TENM2: variants seen among roughly 807,000 people sequenced by gnomAD.
TENM2 encodes the protein teneurin-2.
Under a neutral mutation model 245.2 loss-of-function variants are expected in TENM2, and 52 were observed. The observed-to-expected ratio is 0.21, with a 90% CI of 0.17 to 0.27. The LOEUF is 0.27. Ranked by LOEUF, TENM2 falls within the 10% of genes least tolerant of loss-of-function variation. The pLI is 1.00. For synonymous variants in TENM2, 1,363 were observed against 1,438.9 expected (o/e 0.95, Z 1.19); for missense variants, 3,046 against 3,666.8 (o/e 0.83, Z 4.37).
chr5:168,155,403 A>AG (rs5873092), intron 12 of TENM2, among the ~76,000 whole-genome samples: 72 of 146,438 alleles, frequency 4.9e-4, no homozygotes, highest in South Asian at 2.4e-3. Flanking sequence ...AGTTGGTGAA[A>AG]GGGGGGGGGG....
intron 2 of TENM2, among the ~76,000 whole-genome samples, chr5:167,699,302 A>C (rs374968529): frequency 6.6e-6 from 1 of 152,222 alleles, no homozygotes; most frequent in East Asian, 1.9e-4. Context: ...AAGCCCAATA[A>C]AATGAATAAT....
At chr5:167,356,153 A>G (rs1456813074) in intron 1 of TENM2, among the ~76,000 whole-genome samples, 2 of 117,268 alleles carry the variant, frequency 1.7e-5, no homozygotes, top group Non-Finnish European at 3.2e-5. Flanking sequence ...GGGCCACTGC[A>G]CTCCAGCCTG....
chr5:168,243,656 C>T (rs758803278), intron 25 of TENM2, among the ~76,000 whole-genome samples: 1 of 152,184 alleles, frequency 6.6e-6, no homozygotes, highest in Admixed American at 6.5e-5. Context: ...TCCAAGTGTG[C>T]AAATATGCAA....
Position 167,976,446 on chromosome 5 carries a change from G to A in TENM2, c.948-16498G>A, listed in dbSNP as rs144846448. 2.5e-3 allele frequency among the ~76,000 whole-genome samples: 383 copies of A among 152,278 alleles called. 1 individual carries two copies. Among genetic ancestry groups the A allele is most frequent in the Non-Finnish European group, 4.3e-3 (293 of 68,020 alleles). ...AGTATTAGGTTTGTGAAGACCTGCA[G>A]TAATGTTTACTCCATTTCCCAAATA... On this transcript the variant is annotated intron_variant, in intron 4 of 28. Transcript: ENST00000518659.
chr5:168,226,359 T>A (rs3733985), intron 24 of TENM2, 96 bp downstream of exon 26: 2 of 1,130,502 alleles, frequency 1.8e-6, no homozygotes, highest in African/African-American at 1.6e-5. Flanking sequence ...TGGGAGGACT[T>A]CCAGAGACCC....
chr5:167,868,527 T>C (rs1583232079), intron 2 of TENM2, among the ~76,000 whole-genome samples: 1 of 151,732 alleles, frequency 6.6e-6, no homozygotes, highest in Non-Finnish European at 1.5e-5. Flanking sequence ...TCACCTGAGG[T>C]CAGGAGTTCT....
the TENM2 span, among the ~76,000 whole-genome samples, chr5:167,127,628 T>TA: frequency 6.6e-3 from 809 of 122,946 alleles, 5 homozygotes; most frequent in Middle Eastern, 0.023. Flanking sequence ...TTTTTTTTTT[T>TA]AAAAAAAAAA....
intron 6 of TENM2, among the ~76,000 whole-genome samples, chr5:168,058,655 G>C (rs1165342642): frequency 1.3e-5 from 2 of 152,142 alleles, no homozygotes; most frequent in African/African-American, 4.8e-5. Flanking sequence ...ACTCTTGATA[G>C]AGAGCTAGAT....
At chr5:167,639,619 A>G (rs897944294) in intron 2 of TENM2, among the ~76,000 whole-genome samples, 1 of 152,162 alleles carries the variant, frequency 6.6e-6, no homozygotes, top group Non-Finnish European at 1.5e-5. Flanking sequence ...GCTCCCTTTT[A>G]TCATCAAAAA....
At position 167,289,673 on chromosome 5, in the gene TENM2, AC is replaced by A. The variant is rs545546612; in HGVS notation, c.226+4611del. Among the ~76,000 whole-genome samples the A allele has an allele frequency of 1.3e-4, 20 of 152,302 alleles. No homozygotes were observed. The South Asian group carries it at 3.5e-3, about 27-fold the overall frequency. ...GATCTTTAAAATAATGTGGGCAATA[AC>A]TTTTGCTCTGTATAATTTGGCATAA... On this transcript the variant is annotated intron_variant, in intron 1 of 28. Transcript: ENST00000518659.
intron 2 of TENM2, among the ~76,000 whole-genome samples, chr5:167,514,867 T>C (rs1223588467): frequency 6.6e-6 from 1 of 151,956 alleles, no homozygotes; most frequent in Non-Finnish European, 1.5e-5. Context: ...AAAAATTAGC[T>C]TGGCATGGTG....
At chr5:168,023,720 C>T (rs758510732) in intron 5 of TENM2, among the ~76,000 whole-genome samples, 9 of 152,178 alleles carry the variant, frequency 5.9e-5, no homozygotes, top group Non-Finnish European at 1.3e-4. Flanking sequence ...GCAAGCAAAC[C>T]TCATAATTTG....
At chr5:168,192,172 CT>C (rs1761019267) in intron 14 of TENM2, among the ~76,000 whole-genome samples, 1 of 152,128 alleles carries the variant, frequency 6.6e-6, no homozygotes, top group African/African-American at 2.4e-5. Context: ...TTGGGTCATT[CT>C]TGTCATACCC....
chr5:167,239,211 C>T, the TENM2 span, among the ~76,000 whole-genome samples: 10,059 of 152,222 alleles, frequency 0.066, 538 homozygotes, highest in East Asian at 0.21. Flanking sequence ...GGCTAATAGA[C>T]ACTTTTCATT....
At chr5:167,810,349 T>C (rs1190826934) in intron 2 of TENM2, among the ~76,000 whole-genome samples, 3 of 152,118 alleles carry the variant, frequency 2.0e-5, no homozygotes, top group African/African-American at 7.2e-5. Flanking sequence ...AAGTTTCCAG[T>C]GTAACTTGAA....
chr5:168,241,269 T>G (rs1766077380), intron 25 of TENM2, among the ~76,000 whole-genome samples: 1 of 152,018 alleles, frequency 6.6e-6, no homozygotes, highest in South Asian at 2.1e-4. Context: ...GTTCTTTTTT[T>G]TTTTGAAACA....
At chr5:167,972,537 C>T (rs1466213742) in intron 4 of TENM2, among the ~76,000 whole-genome samples, 2 of 152,074 alleles carry the variant, frequency 1.3e-5, no homozygotes, top group African/African-American at 4.8e-5. Context: ...GTGTATATAT[C>T]TTTCTTTGCA....
rs534807639 is a variant in TENM2 at position 168,023,582 on chromosome 5, G to A, written c.1187-23845G>A. ...GGGATGCCTCAAGGGCAAATGGATGGGGTGTCGGAAAAACAATAAAATCAC... is the reference window on the plus strand; with the variant it reads ...GGGATGCCTCAAGGGCAAATGGATGAGGTGTCGGAAAAACAATAAAATCAC... On this transcript the variant is annotated intron_variant, in intron 5 of 28. Coordinates refer to ENST00000518659, the Ensembl canonical transcript of TENM2. Among the ~76,000 whole-genome samples, 6 of 152,318 alleles carry A rather than the reference G, an allele frequency of 3.9e-5. No individual in the cohort carries two copies. The East Asian group carries it at 1.2e-3, about 29-fold the overall frequency.
chr5:168,258,504 A>T lies in TENM2; in HGVS notation c.7433-1779A>T, dbSNP rs186502288. 1.6e-4 allele frequency among the ~76,000 whole-genome samples: 24 copies of T among 152,284 alleles called. No homozygotes were observed. The East Asian group carries it at 4.4e-3, about 28-fold the overall frequency. Reference sequence around the variant, plus strand: ...TGACAGAGCAAGGCTCAGTCTCAAAAAAAAACCAAAAAGTGGAAACAACCC... The same window carrying T: ...TGACAGAGCAAGGCTCAGTCTCAAATAAAAACCAAAAAGTGGAAACAACCC... On this transcript the variant is annotated intron_variant, in intron 27 of 28. Coordinates refer to ENST00000518659, the Ensembl canonical transcript of TENM2.
Sources: allele counts gnomAD v4.1 joint callset (sites outside exome capture counted in the v4.1 genomes callset), GRCh38; gene constraint gnomAD v4.1.1; transcripts MANE v1.5; gene names NCBI Gene and HGNC (gene_info 2026-07-23, HGNC 2026-07-21).